The following RALGPS1 variants were observed in gnomAD, a reference collection of about 807,000 sequenced individuals.
RALGPS1 encodes ras-specific guanine nucleotide-releasing factor RalGPS1.
A neutral mutation model predicts 78.8 loss-of-function variants in RALGPS1; 19 were observed. The ratio of observed to expected loss-of-function variants is 0.24; its 90% CI spans 0.17 to 0.35. RALGPS1 has a LOEUF of 0.35. RALGPS1 is among the 10% of genes least tolerant of loss of function. The probability of loss-of-function intolerance (pLI) is 1.00; values close to 1 mark genes in which losing one functional copy is unlikely to be tolerated. For missense variants in RALGPS1, 454 were observed against 688.3 expected (o/e 0.66, Z 3.81); for synonymous variants, 228 against 256.3 (o/e 0.89, Z 1.06).
chr9:127,115,576 A>G (rs972230635), intron 8 of RALGPS1, among the ~76,000 whole-genome samples: 4 of 152,260 alleles, frequency 2.6e-5, no homozygotes, highest in African/African-American at 9.6e-5. Context: ...GGAAGTAAAT[A>G]TCACAACTGG....
At chr9:127,154,973 T>C (rs958858347) in intron 8 of RALGPS1, among the ~76,000 whole-genome samples, 6 of 152,206 alleles carry the variant, frequency 3.9e-5, no homozygotes, top group African/African-American at 1.2e-4. Context: ...GAGGCAGGTT[T>C]CTAAGGCTTT....
chr9:127,149,361 T>G (rs1407412182), intron 8 of RALGPS1, among the ~76,000 whole-genome samples: 1 of 152,236 alleles, frequency 6.6e-6, no homozygotes. Flanking sequence ...GGGGTGGTGC[T>G]GACACCAGGA....
At chr9:127,144,308 A>G (rs1564659124) in intron 8 of RALGPS1, among the ~76,000 whole-genome samples, 1 of 152,212 alleles carries the variant, frequency 6.6e-6, no homozygotes, top group African/African-American at 2.4e-5. Flanking sequence ...TTCGTGCAGG[A>G]ACACATGAAA....
At chr9:127,157,769 A>C (rs1362833943) in intron 8 of RALGPS1, among the ~76,000 whole-genome samples, 1 of 152,120 alleles carries the variant, frequency 6.6e-6, no homozygotes, top group Admixed American at 6.5e-5. Context: ...TGTGATAACT[A>C]ATCATATCAC....
chr9:126,964,925 G>T (rs545334533), intron 2 of RALGPS1, among the ~76,000 whole-genome samples: 1 of 152,300 alleles, frequency 6.6e-6, no homozygotes, highest in Non-Finnish European at 1.5e-5. Context: ...AGATGTTGAG[G>T]TTAATGGAAA....
intron 7 of RALGPS1, among the ~76,000 whole-genome samples, chr9:127,054,712 T>G (rs1269843122): frequency 6.6e-6 from 1 of 152,180 alleles, no homozygotes; most frequent in Non-Finnish European, 1.5e-5. Flanking sequence ...GTGCAGTGAC[T>G]CACTCCTGTA....
chr9:127,191,681 GT>G (rs1331303396), intron 11 of RALGPS1, among the ~76,000 whole-genome samples: 10 of 139,782 alleles, frequency 7.2e-5, no homozygotes, highest in African/African-American at 2.4e-4. Context: ...TTTTGTTTTT[GT>G]TTTTTGGGTT....
intron 8 of RALGPS1, among the ~76,000 whole-genome samples, chr9:127,113,804 C>T (rs891994374): frequency 4.1e-4 from 63 of 152,318 alleles, no homozygotes; most frequent in African/African-American, 1.4e-3. Flanking sequence ...ACCCAGTCTC[C>T]GGTGGGCTGC....
At chr9:127,032,218 C>G (rs1382291852) in intron 4 of RALGPS1, among the ~76,000 whole-genome samples, 2 of 152,178 alleles carry the variant, frequency 1.3e-5, no homozygotes, top group African/African-American at 4.8e-5. Context: ...ACTAGAAGTT[C>G]TGAGAAGATA....
chr9:127,014,995 CTT>C (rs2044685999), intron 4 of RALGPS1, among the ~76,000 whole-genome samples: 1 of 152,170 alleles, frequency 6.6e-6, no homozygotes. Flanking sequence ...GGTTTTGAGA[CTT>C]AAATAAAATA....
chr9:126,958,888 C>T (rs568656590), intron 1 of RALGPS1, among the ~76,000 whole-genome samples: 52 of 152,264 alleles, frequency 3.4e-4, no homozygotes, highest in Admixed American at 2.3e-3. Flanking sequence ...ACCAGCAACG[C>T]GTGAGGGTTC....
intron 1 of RALGPS1, among the ~76,000 whole-genome samples, chr9:126,935,239 T>C (rs2036150823): frequency 6.6e-6 from 1 of 152,228 alleles, no homozygotes; most frequent in Non-Finnish European, 1.5e-5. Context: ...TTAAGCTCTT[T>C]TAAGGCAAGA....
At chr9:127,080,871 A>C (rs1253767702) in intron 8 of RALGPS1, among the ~76,000 whole-genome samples, 1 of 152,242 alleles carries the variant, frequency 6.6e-6, no homozygotes, top group African/African-American at 2.4e-5. Flanking sequence ...GGTTTGCTCA[A>C]CAGGTAAGTA....
chr9:127,142,781 A>G (rs1046387497), intron 8 of RALGPS1, among the ~76,000 whole-genome samples: 4 of 152,142 alleles, frequency 2.6e-5, no homozygotes, highest in Non-Finnish European at 5.9e-5. Context: ...TTATATTTAC[A>G]TTATACACAA....
chr9:127,009,527 C>T (rs572213378), intron 4 of RALGPS1, among the ~76,000 whole-genome samples: 7 of 152,258 alleles, frequency 4.6e-5, no homozygotes, highest in East Asian at 3.9e-4. Context: ...TTAATGGTCA[C>T]GGATATCTTT....
At chr9:127,178,858 G>T (rs2060042732) in intron 11 of RALGPS1, among the ~76,000 whole-genome samples, 1 of 152,226 alleles carries the variant, frequency 6.6e-6, no homozygotes, top group South Asian at 2.1e-4. Context: ...TGGCCCTCAT[G>T]CTCCTCCGTG....
chr9:126,944,465 A>C (rs1192173383), intron 1 of RALGPS1, among the ~76,000 whole-genome samples: 1 of 151,966 alleles, frequency 6.6e-6, no homozygotes, highest in Admixed American at 6.6e-5. Flanking sequence ...AACAGGTGTA[A>C]AATGCCTGAT....
At chr9:127,110,996 C>T (rs549059445) in intron 8 of RALGPS1, among the ~76,000 whole-genome samples, 20 of 152,184 alleles carry the variant, frequency 1.3e-4, no homozygotes, top group African/African-American at 4.6e-4. Flanking sequence ...TATTCAAAAC[C>T]CCCCAGTGGC....
chr9:126,932,866 T>A (rs1445124213), intron 1 of RALGPS1, among the ~76,000 whole-genome samples: 1 of 152,186 alleles, frequency 6.6e-6, no homozygotes, highest in African/African-American at 2.4e-5. Flanking sequence ...GATCGTAAAG[T>A]TTGGTGAGCC....
Sources: allele counts gnomAD v4.1 joint callset (sites outside exome capture counted in the v4.1 genomes callset), GRCh38; gene constraint gnomAD v4.1.1; transcripts MANE v1.5; gene names NCBI Gene and HGNC (gene_info 2026-07-23, HGNC 2026-07-21).